Variants in MYO1B observed in about 807,000 individuals in gnomAD.
MYO1B encodes the protein myosin IB, also known as unconventional myosin-Ib.
Under a neutral mutation model 159.7 loss-of-function variants are expected in MYO1B, and 72 were observed. The ratio of observed to expected loss-of-function variants is 0.45; its 90% CI spans 0.37 to 0.55. The LOEUF (loss-of-function observed/expected upper bound fraction) is 0.55, where lower values mean the gene tolerates loss of function less well. Ranked by LOEUF, MYO1B falls within the 20% of genes least tolerant of loss-of-function variation. The pLI, the probability that MYO1B is intolerant of heterozygous loss-of-function variation, is 0.00. For missense variants in MYO1B, 1,062 were observed against 1,364.8 expected (o/e 0.78, Z 3.50); for synonymous variants, 468 against 473.8 (o/e 0.99, Z 0.16).
At chr2:191,395,249 C>A (rs1055205560) in intron 20 of MYO1B, among the ~76,000 whole-genome samples, 5 of 152,154 alleles carry the variant, frequency 3.3e-5, no homozygotes, top group Non-Finnish European at 5.9e-5. Context: ...TGGGGAGAAT[C>A]CTAGAGATTT....
At position 191,362,340 on chromosome 2, in the gene MYO1B, T is replaced by A. The variant is rs1383349690; in HGVS notation, c.734T>A (p.Val245Glu). ...CTGGATTCGGCCAAAGTGAATGGAG[T>A]GGATGATGCAGCAAATTTTAGAACC... Reference protein sequence around the residue: ...LSLDSAKVNGVDDAANFRTVR... With the variant: ...LSLDSAKVNGEDDAANFRTVR... The change falls in exon 9 of 31, where the codon GTG becomes GAG. Residue 245 changes from valine to glutamate, a missense_variant. Physicochemically the swap from Val to Glu is moderately radical, Grantham distance 121. This residue lies in a region of MYO1B where 415 missense variants were observed against 544.0 expected (regional missense o/e 0.76). Coordinates refer to ENST00000392318, the MANE Select transcript of MYO1B (RefSeq NM_001130158.3). 6.2e-7 allele frequency: 1 copy of A among 1,613,592 alleles called. No individual in the cohort carries two copies. Among genetic ancestry groups the A allele is most frequent in the Non-Finnish European group, 8.5e-7 (1 of 1,179,790 alleles).
At chr2:191,422,932 A>G (rs1405030188) in intron 30 of MYO1B, among the ~76,000 whole-genome samples, 1 of 152,214 alleles carries the variant, frequency 6.6e-6, no homozygotes, top group Non-Finnish European at 1.5e-5. Context: ...CTAGAATATG[A>G]TGAGTTAATG....
intron 27 of MYO1B, among the ~76,000 whole-genome samples, chr2:191,411,859 C>G (rs922266584): frequency 2.0e-5 from 3 of 152,204 alleles, no homozygotes; most frequent in Admixed American, 6.5e-5. Flanking sequence ...AATCTAATCC[C>G]ATTTTCATCT....
chr2:191,306,920 A>G (rs56206867), intron 3 of MYO1B, among the ~76,000 whole-genome samples: 9,590 of 152,254 alleles, frequency 0.063, 424 homozygotes, highest in Middle Eastern at 0.11. Context: ...CCCAGCACCA[A>G]CCAGTTATCT....
intron 17 of MYO1B, among the ~76,000 whole-genome samples, chr2:191,389,864 G>A (rs1411139003): frequency 1.3e-5 from 2 of 152,138 alleles, no homozygotes; most frequent in Non-Finnish European, 2.9e-5. Flanking sequence ...AAACATTCCC[G>A]TCAGTCCAGA....
At chr2:191,308,752 T>C (rs561336120) in intron 3 of MYO1B, among the ~76,000 whole-genome samples, 47 of 152,346 alleles carry the variant, frequency 3.1e-4, no homozygotes, top group Non-Finnish European at 6.3e-4. Context: ...CTAAAACTTC[T>C]TTTCAAGATC....
rs1698110624 is a variant in MYO1B at position 191,424,160 on chromosome 2, G to A, written c.*200G>A. On this transcript the variant is annotated 3_prime_UTR_variant, in exon 31 of 31. Transcript: ENST00000392318. ...AAATACATGTTCTGTCCTGGAGCAG[G>A]ATTGTAGAAACTAACAGTGTCTATT... The A allele has an allele frequency of 1.7e-6, 1 of 594,586 alleles. No homozygotes were observed. Among genetic ancestry groups the A allele is most frequent in the African/African-American group, 1.9e-5 (1 of 53,966 alleles). The allele number at this position is 594,586 out of a possible 1,614,324, so 36.8% of individuals were successfully genotyped here.
chr2:191,304,466 G>A (rs1231398065), intron 3 of MYO1B, among the ~76,000 whole-genome samples: 1 of 151,988 alleles, frequency 6.6e-6, no homozygotes, highest in Non-Finnish European at 1.5e-5. Context: ...GCTACTCGGG[G>A]GGCTGAGGCA....
chr2:191,383,599 C>T (rs1695226357), intron 15 of MYO1B, among the ~76,000 whole-genome samples: 1 of 149,518 alleles, frequency 6.7e-6, no homozygotes, highest in Admixed American at 6.7e-5. Context: ...TATTGTAGCC[C>T]TAAGAGATCA....
At chr2:191,397,344 C>T (rs2126120416) in intron 21 of MYO1B, among the ~76,000 whole-genome samples, 1 of 146,122 alleles carries the variant, frequency 6.8e-6, no homozygotes. Context: ...CTGCGGCCTT[C>T]CGCAGTGTTT....
At chr2:191,276,609 A>G (rs115892417) in intron 1 of MYO1B, among the ~76,000 whole-genome samples, 1 of 151,960 alleles carries the variant, frequency 6.6e-6, no homozygotes, top group Non-Finnish European at 1.5e-5. Context: ...TGCTGAGGAG[A>G]AGACCATGGC....
intron 7 of MYO1B, among the ~76,000 whole-genome samples, chr2:191,356,156 C>T (rs1016201336): frequency 6.6e-6 from 1 of 152,074 alleles, no homozygotes. Flanking sequence ...AATCTCTGAT[C>T]AGTTTTCTGG....
chr2:191,385,543 A>C (rs959601874), intron 15 of MYO1B, among the ~76,000 whole-genome samples: 2 of 151,956 alleles, frequency 1.3e-5, no homozygotes, highest in African/African-American at 4.8e-5. Context: ...TTTCTTTTTG[A>C]ATCTTTGAGG....
At chr2:191,319,902 A>G (rs554946565) in intron 3 of MYO1B, among the ~76,000 whole-genome samples, 1 of 152,280 alleles carries the variant, frequency 6.6e-6, no homozygotes, top group South Asian at 2.1e-4. Flanking sequence ...TGGTAATGAA[A>G]AAAACTACAT....
rs116959578 is a variant in MYO1B, at chr2:191,251,897, T to C, written c.-10+6271T>C. On this transcript the variant is annotated intron_variant, in intron 1 of 30. Coordinates refer to ENST00000392318, the MANE Select transcript of MYO1B (RefSeq NM_001130158.3). ...ATTGCAAGATTCCTGCTGGTCCCAC[T>C]TAACATTTTCCAGTGTACACCTTCT... Among the ~76,000 whole-genome samples, 27 of 152,228 alleles carry C rather than the reference T, an allele frequency of 1.8e-4. 1 individual carries two copies. In the East Asian group the frequency reaches 3.3e-3, roughly 19 times the overall value.
At chr2:191,280,917 A>G (rs569253207) in intron 2 of MYO1B, among the ~76,000 whole-genome samples, 4 of 152,316 alleles carry the variant, frequency 2.6e-5, no homozygotes, top group East Asian at 3.9e-4. Context: ...AGTGCGCCCA[A>G]TGGCTTGCTT....
intron 4 of MYO1B, among the ~76,000 whole-genome samples, chr2:191,338,964 G>T (rs763008799): frequency 1.3e-5 from 2 of 152,148 alleles, no homozygotes; most frequent in Non-Finnish European, 2.9e-5. Flanking sequence ...CTAGTATTAC[G>T]ATGGATAGAT....
At chr2:191,399,672 C>G (rs1696483916) in intron 21 of MYO1B, among the ~76,000 whole-genome samples, 1 of 152,194 alleles carries the variant, frequency 6.6e-6, no homozygotes, top group South Asian at 2.1e-4. Context: ...CCGAGTCCAG[C>G]AACACTGACT....
intron 20 of MYO1B, among the ~76,000 whole-genome samples, chr2:191,394,613 A>G (rs1021872122): frequency 6.6e-6 from 1 of 152,208 alleles, no homozygotes; most frequent in Non-Finnish European, 1.5e-5. Context: ...AGTGCTAGGA[A>G]GGAAATAGAG....
Sources: gnomAD v4.1 joint callset for allele counts (sites outside exome capture counted in the v4.1 genomes callset) on GRCh38, gnomAD v4.1.1 for gene constraint, gnomAD v4.1.1 regional missense constraint, MANE v1.5 for transcripts, NCBI Gene and HGNC (gene_info 2026-07-23, HGNC 2026-07-21) for gene names.